Variants in AGBL4 observed in about 807,000 individuals in gnomAD.
AGBL4 encodes the protein AGBL carboxypeptidase 4.
AGBL4 carries 58 observed loss-of-function variants against 66.4 expected under a neutral mutation model. The observed-to-expected ratio is 0.87, with a 90% CI of 0.71 to 1.09. The LOEUF (loss-of-function observed/expected upper bound fraction) is 1.09. Among genes scored for constraint, AGBL4 ranks in the 50% least tolerant of loss-of-function variants. The probability of loss-of-function intolerance (pLI) is 0.00; values close to 1 mark genes in which losing one functional copy is unlikely to be tolerated. For synonymous variants in AGBL4, 234 were observed against 222.9 expected (o/e 1.05, Z -0.44); for missense variants, 579 against 631.0 (o/e 0.92, Z 0.88).
intron 6 of AGBL4, among the ~76,000 whole-genome samples, chr1:48,811,699 C>T (rs536432909): frequency 4.7e-5 from 1 of 21,128 alleles, no homozygotes; most frequent in East Asian, 0.062. Context: ...TCTACTCTGT[C>T]TTGCCCAACT....
chr1:48,854,263 G>C (rs1420294039), intron 6 of AGBL4, among the ~76,000 whole-genome samples: 1 of 152,142 alleles, frequency 6.6e-6, no homozygotes, highest in East Asian at 1.9e-4. Flanking sequence ...AAATAAGGCT[G>C]GCATCCTGCT....
intron 3 of AGBL4, among the ~76,000 whole-genome samples, chr1:49,407,102 ATTTTTTTCTT>A (rs1207616258): frequency 1.3e-5 from 2 of 149,776 alleles, no homozygotes; most frequent in African/African-American, 4.9e-5. Flanking sequence ...GAAAGGACAA[ATTTTTTTCTT>A]TTTACCTATT....
intron 1 of AGBL4, among the ~76,000 whole-genome samples, chr1:49,866,165 A>C (rs2148099248): frequency 6.6e-6 from 1 of 152,246 alleles, no homozygotes; most frequent in African/African-American, 2.4e-5. Context: ...GGAGAGTGGA[A>C]CCAATTTGGA....
intron 3 of AGBL4, among the ~76,000 whole-genome samples, chr1:49,493,407 T>C (rs1015751404): frequency 1.3e-5 from 2 of 152,132 alleles, no homozygotes; most frequent in Middle Eastern, 3.4e-3. Flanking sequence ...CTGCAATTCT[T>C]TGAAGTAGTT....
At chr1:49,781,943 C>T (rs961101849) in intron 2 of AGBL4, among the ~76,000 whole-genome samples, 6 of 151,864 alleles carry the variant, frequency 4.0e-5, no homozygotes, top group African/African-American at 1.2e-4. Flanking sequence ...TTGATTTCAA[C>T]GAACATGTAG....
At chr1:49,578,713 T>C (rs919422065) in intron 3 of AGBL4, among the ~76,000 whole-genome samples, 6 of 152,184 alleles carry the variant, frequency 3.9e-5, no homozygotes, top group Admixed American at 2.6e-4. Flanking sequence ...GCATTTCTGG[T>C]TGTATGAAGG....
At chr1:49,143,039 T>C (rs1175022843) in intron 4 of AGBL4, among the ~76,000 whole-genome samples, 1 of 152,178 alleles carries the variant, frequency 6.6e-6, no homozygotes, top group Non-Finnish European at 1.5e-5. Context: ...AGACTGGGAA[T>C]ATACATTAAA....
intron 5 of AGBL4, among the ~76,000 whole-genome samples, chr1:49,034,779 T>A (rs1410741089): frequency 6.6e-6 from 1 of 152,126 alleles, no homozygotes. Flanking sequence ...CTACCATGAC[T>A]GTAAGTTTCC....
chr1:48,802,738 C>A (rs925192358), intron 6 of AGBL4, among the ~76,000 whole-genome samples: 1 of 152,204 alleles, frequency 6.6e-6, no homozygotes, highest in Non-Finnish European at 1.5e-5. Context: ...CAGAGCCTGT[C>A]TCTAGGCCCT....
chr1:49,953,382 T>C (rs1181852543), intron 1 of AGBL4, among the ~76,000 whole-genome samples: 1 of 151,928 alleles, frequency 6.6e-6, no homozygotes, highest in African/African-American at 2.4e-5. Context: ...ATTTTCTTCA[T>C]ACAAAAAACA....
intron 2 of AGBL4, among the ~76,000 whole-genome samples, chr1:49,719,100 G>C (rs1648392875): frequency 1.3e-5 from 2 of 152,036 alleles, no homozygotes; most frequent in South Asian, 2.1e-4. Flanking sequence ...TTCTATAAAA[G>C]AAGGAAACCC....
chr1:49,961,643 ATAGTT>A (rs1657128352), intron 1 of AGBL4, among the ~76,000 whole-genome samples: 1 of 152,148 alleles, frequency 6.6e-6, no homozygotes, highest in South Asian at 2.1e-4. Context: ...GATGCTTTGA[ATAGTT>A]TAGTAAAGAT....
intron 3 of AGBL4, among the ~76,000 whole-genome samples, chr1:49,407,064 C>A: frequency 1.4e-5 from 1 of 72,508 alleles, no homozygotes; most frequent in Non-Finnish European, 2.3e-5. Context: ...GACTCTGCCT[C>A]CAAAAAAAAA....
chr1:48,867,067 G>T, intron 6 of AGBL4, 124 bp downstream of exon 6: 1 of 1,085,714 alleles, frequency 9.2e-7, no homozygotes, highest in Non-Finnish European at 1.4e-6. Flanking sequence ...CATTCATGGT[G>T]CAAGAGTTCT....
intron 3 of AGBL4, among the ~76,000 whole-genome samples, chr1:49,603,968 ACACACACACAC>A (rs1375004018): frequency 2.0e-5 from 3 of 148,004 alleles, no homozygotes; most frequent in Non-Finnish European, 3.0e-5. Context: ...ACACACACAC[ACACACACACAC>A]ACCACATTTT....
chr1:48,759,314 CA>C, intron 6 of AGBL4: 2 of 1,542,434 alleles, frequency 1.3e-6, no homozygotes, highest in Non-Finnish European at 1.7e-6. Context: ...TCAGTTCAGG[CA>C]AGGGCAGCTG....
At chr1:48,649,783 AG>A (rs1387598043) in intron 8 of AGBL4, among the ~76,000 whole-genome samples, 1 of 152,296 alleles carries the variant, frequency 6.6e-6, no homozygotes, top group South Asian at 2.1e-4. Flanking sequence ...TGGAGGAGTG[AG>A]GAGGAGGAAG....
intron 5 of AGBL4, among the ~76,000 whole-genome samples, chr1:48,924,712 C>A (rs914817092): frequency 6.6e-6 from 1 of 151,904 alleles, no homozygotes; most frequent in Non-Finnish European, 1.5e-5. Context: ...AATTCTGCAG[C>A]CTGAGGGGAT....
chr1:48,736,115 G>T lies in AGBL4; in HGVS notation c.635-72874C>A. 1 of 1,113,550 alleles carries T rather than the reference G, an allele frequency of 9.0e-7. No individual in the cohort carries two copies. Among genetic ancestry groups the T allele is most frequent in the Non-Finnish European group, 1.3e-6 (1 of 756,730 alleles). 69.0% of individuals were successfully genotyped at this position (1,113,550 alleles called of 1,614,324 possible). On this transcript the variant is annotated intron_variant, in intron 6 of 13. Transcript: ENST00000371839. This position sits in a 1 kb window ranked among gnomAD's most constrained non-coding sequence, Gnocchi z 4.0. ...TGGGTTATCCGCTTGGTGTCCCCGGGCTCAGCCCAGGGTCTGGCATGCAGA... is the reference window on the plus strand; with the variant it reads ...TGGGTTATCCGCTTGGTGTCCCCGGTCTCAGCCCAGGGTCTGGCATGCAGA...
Sources: allele counts gnomAD v4.1 joint callset (sites outside exome capture counted in the v4.1 genomes callset), GRCh38; gene constraint gnomAD v4.1.1; non-coding constraint Gnocchi (gnomAD v3.1); transcripts MANE v1.5; gene names NCBI Gene and HGNC (gene_info 2026-07-23, HGNC 2026-07-21).